Variants in RNF212B observed in about 807,000 individuals in gnomAD.
RNF212B encodes ring finger protein 212B, also known as E3 ubiquitin-protein ligase RNF212B.
RNF212B carries 52 observed loss-of-function variants against 55.5 expected under a neutral mutation model. The ratio of observed to expected loss-of-function variants is 0.94; its 90% CI spans 0.75 to 1.18. The LOEUF (loss-of-function observed/expected upper bound fraction) is 1.18. RNF212B is among the 50% of genes most tolerant of loss of function. RNF212B has a pLI of 0.00. For synonymous variants in RNF212B, 99 were observed against 121.4 expected, an observed-to-expected ratio of 0.82 and a Z score of 1.21; for missense variants, 289 against 350.4, an observed-to-expected ratio of 0.82 and a Z score of 1.40.
At chr14:23,253,115 C>T (rs995240639) in intron 4 of RNF212B, among the ~76,000 whole-genome samples, 1 of 152,030 alleles carries the variant, frequency 6.6e-6, no homozygotes, top group African/African-American at 2.4e-5. Context: ...CCAAATATTA[C>T]GTCATTTCTA....
chr14:23,259,287 C>G (rs928369552), intron 5 of RNF212B, among the ~76,000 whole-genome samples: 2 of 151,184 alleles, frequency 1.3e-5, no homozygotes, highest in African/African-American at 4.9e-5. Flanking sequence ...CTCCTGGGCT[C>G]AAGCAATCCT....
At chr14:23,196,892 T>C (rs1224224448) in intron 2 of RNF212B, among the ~76,000 whole-genome samples, 1 of 151,738 alleles carries the variant, frequency 6.6e-6, no homozygotes, top group Admixed American at 6.6e-5. Context: ...GGCCCTAGAG[T>C]GTGTTCTTTG....
intron 2 of RNF212B, among the ~76,000 whole-genome samples, chr14:23,207,367 T>G (rs966457726): frequency 1.3e-5 from 2 of 152,228 alleles, no homozygotes; most frequent in Non-Finnish European, 2.9e-5. Context: ...TCTTCCCTGT[T>G]GGAAGCCAGC....
chr14:23,216,516 A>T (rs2140399479), intron 2 of RNF212B, among the ~76,000 whole-genome samples: 1 of 152,184 alleles, frequency 6.6e-6, no homozygotes, highest in South Asian at 2.1e-4. Context: ...AGAACAGATT[A>T]AAAAACAAAC....
At chr14:23,242,571 G>T (rs1031240496) in intron 2 of RNF212B, among the ~76,000 whole-genome samples, 11 of 152,080 alleles carry the variant, frequency 7.2e-5, no homozygotes, top group African/African-American at 2.7e-4. Context: ...TAAGATCTTT[G>T]GTATCTTGTA....
At chr14:23,199,793 C>G (rs1404314428) in intron 2 of RNF212B, among the ~76,000 whole-genome samples, 4 of 151,938 alleles carry the variant, frequency 2.6e-5, no homozygotes, top group Non-Finnish European at 5.9e-5. Context: ...AGTCAGTAGG[C>G]AGGTATGTAA....
chr14:23,269,861 A>T lies in RNF212B; in HGVS notation c.675-2A>T. On this transcript the variant is annotated splice_acceptor_variant, in intron 12 of 14. Coordinates refer to ENST00000430154, the MANE Select transcript of RNF212B (RefSeq NM_001282322.3). LOFTEE classifies it high-confidence loss of function. Reference sequence around the variant, plus strand: ...GCTGATGCTTTTATTTGCTTTCCTTAGAACTTCATCTGCCTCCTCTGGACA... The same window carrying T: ...GCTGATGCTTTTATTTGCTTTCCTTTGAACTTCATCTGCCTCCTCTGGACA... 1 of 1,516,332 alleles carries T rather than the reference A, an allele frequency of 6.6e-7. No individual in the cohort carries two copies. The highest frequency in any genetic ancestry group is 9.0e-7 in the Non-Finnish European group (1 of 1,116,218). 93.9% of individuals were successfully genotyped at this position (1,516,332 alleles called of 1,614,324 possible).
At chr14:23,209,049 T>C (rs11845597) in intron 2 of RNF212B, among the ~76,000 whole-genome samples, 6,936 of 152,284 alleles carry the variant, frequency 0.046, 183 homozygotes, top group African/African-American at 0.059. Context: ...TGAGCCACCG[T>C]GCCCGGCCTG....
chr14:23,198,998 G>A (rs970778725), intron 2 of RNF212B, among the ~76,000 whole-genome samples: 5 of 152,092 alleles, frequency 3.3e-5, no homozygotes, highest in African/African-American at 1.2e-4. Flanking sequence ...TATACCTCAC[G>A]CTGTCCACTG....
intron 4 of RNF212B, among the ~76,000 whole-genome samples, chr14:23,249,919 A>T (rs1045599199): frequency 3.3e-5 from 5 of 152,172 alleles, no homozygotes; most frequent in Non-Finnish European, 5.9e-5. Context: ...TGAACAAGTA[A>T]CTGCCTTTTC....
intron 2 of RNF212B, among the ~76,000 whole-genome samples, chr14:23,200,462 A>AT (rs958632395): frequency 2.6e-5 from 4 of 151,964 alleles, no homozygotes; most frequent in African/African-American, 9.7e-5. Context: ...AGTAGATGGG[A>AT]TTACAGGTGC....
intron 8 of RNF212B, 75 bp from the exon 9 acceptor site, chr14:23,262,853 G>GGTTA: frequency 6.8e-7 from 1 of 1,474,262 alleles, no homozygotes; most frequent in Non-Finnish European, 9.3e-7. Flanking sequence ...AGATAACCAT[G>GGTTA]TACAACAAAT....
At chr14:23,202,114 G>A (rs1331694068) in intron 2 of RNF212B, among the ~76,000 whole-genome samples, 1 of 151,978 alleles carries the variant, frequency 6.6e-6, no homozygotes, top group Non-Finnish European at 1.5e-5. Context: ...AGCCAAGCGT[G>A]GTGGTGTGCA....
chr14:23,261,483 A>G (rs1215086878), intron 7 of RNF212B, among the ~76,000 whole-genome samples: 1 of 152,134 alleles, frequency 6.6e-6, no homozygotes, highest in Non-Finnish European at 1.5e-5. Flanking sequence ...TTTTTACACT[A>G]CTCATCCTTC....
intron 2 of RNF212B, among the ~76,000 whole-genome samples, chr14:23,222,104 C>A (rs1478167877): frequency 1.3e-5 from 2 of 151,236 alleles, no homozygotes; most frequent in Admixed American, 6.6e-5. Flanking sequence ...CAAACCAAAC[C>A]CAAAATTAGG....
chr14:23,203,176 C>T (rs1879485518), intron 2 of RNF212B, among the ~76,000 whole-genome samples: 6 of 151,896 alleles, frequency 4.0e-5, no homozygotes, highest in Admixed American at 3.9e-4. Context: ...TCCATTATAT[C>T]ATTCTTATGC....
At chr14:23,194,382 T>C (rs1371580506) in intron 2 of RNF212B, among the ~76,000 whole-genome samples, 1 of 152,136 alleles carries the variant, frequency 6.6e-6, no homozygotes, top group Non-Finnish European at 1.5e-5. Flanking sequence ...ATTGATAGAA[T>C]TGAAAAACAA....
intron 4 of RNF212B, among the ~76,000 whole-genome samples, chr14:23,257,854 T>C (rs1884965702): frequency 6.6e-6 from 1 of 152,158 alleles, no homozygotes. Flanking sequence ...TAGGTGTCTT[T>C]AGGGAAAATA....
intron 5 of RNF212B, among the ~76,000 whole-genome samples, chr14:23,259,208 A>C (rs1028841323): frequency 5.9e-5 from 9 of 151,824 alleles, no homozygotes; most frequent in Admixed American, 4.6e-4. Flanking sequence ...AAAACAAAAA[A>C]AAACATCTGC....
Sources: gnomAD v4.1 joint callset for allele counts (sites outside exome capture counted in the v4.1 genomes callset) on GRCh38, gnomAD v4.1.1 for gene constraint, MANE v1.5 for transcripts, NCBI Gene and HGNC (gene_info 2026-07-23, HGNC 2026-07-21) for gene names.